PKHD1: variants seen among roughly 807,000 people sequenced by gnomAD.
The protein encoded by PKHD1 is PKHD1 ciliary IPT domain containing fibrocystin/polyductin, also known as fibrocystin.
Under a neutral mutation model 412.0 loss-of-function variants are expected in PKHD1, and 291 were observed. The ratio of observed to expected loss-of-function variants is 0.71; its 90% CI spans 0.64 to 0.78. The LOEUF (loss-of-function observed/expected upper bound fraction) is 0.78, where lower values mean the gene tolerates loss of function less well. Ranked by LOEUF, PKHD1 falls within the 30% of genes least tolerant of loss-of-function variation. PKHD1 has a pLI of 0.00. For missense variants in PKHD1, 4,825 were observed against 4,950.7 expected, an observed-to-expected ratio of 0.97 and a Z score of 0.76; for synonymous variants, 1,777 against 1,821.5, an observed-to-expected ratio of 0.98 and a Z score of 0.62.
intron 61 of PKHD1, among the ~76,000 whole-genome samples, chr6:51,656,513 G>A (rs1488835943): frequency 1.3e-5 from 2 of 152,098 alleles, no homozygotes; most frequent in African/African-American, 4.8e-5. Context: ...CATGGTGATG[G>A]AAACTTAGCT....
chr6:52,071,214 A>C (rs1360277028), intron 8 of PKHD1, 144 bp from the exon 9 acceptor site: 1 of 703,220 alleles, frequency 1.4e-6, no homozygotes, highest in East Asian at 2.6e-5. Context: ...TGAGTTCATT[A>C]GGGCAAATGC....
intron 60 of PKHD1, among the ~76,000 whole-genome samples, chr6:51,697,084 G>A (rs1457041299): frequency 6.6e-6 from 1 of 152,116 alleles, no homozygotes; most frequent in Non-Finnish European, 1.5e-5. Context: ...AGCTACTCAG[G>A]AGGCTGAGGC....
chr6:51,942,365 C>A (rs986406321), intron 36 of PKHD1, among the ~76,000 whole-genome samples: 1 of 151,740 alleles, frequency 6.6e-6, no homozygotes. Flanking sequence ...CGTGCAGCAG[C>A]CGCTGCCGCC....
chr6:52,010,595 G>A (rs1440744664), intron 34 of PKHD1, 136 bp from the exon 35 acceptor site: 11 of 724,766 alleles, frequency 1.5e-5, no homozygotes, highest in Non-Finnish European at 2.2e-5. Context: ...GCAAATTTCT[G>A]TAATTTTGTT....
At chr6:51,886,543 CACAGAAGGGCAATAGT>C (rs757470292) in intron 44 of PKHD1, among the ~76,000 whole-genome samples, 4 of 152,204 alleles carry the variant, frequency 2.6e-5, no homozygotes, top group Non-Finnish European at 4.4e-5. Context: ...GTAAGCCAGA[CACAGAAGGGCAATAGT>C]ACATCATATC....
chr6:51,740,042 A>G (rs1263690874), intron 60 of PKHD1: 2 of 518,732 alleles, frequency 3.9e-6, no homozygotes, highest in South Asian at 2.8e-5. Context: ...GAATGTTCAG[A>G]TCATCAGATG....
intron 60 of PKHD1, among the ~76,000 whole-genome samples, chr6:51,701,111 A>G (rs1385319396): frequency 6.6e-6 from 1 of 152,142 alleles, no homozygotes; most frequent in Non-Finnish European, 1.5e-5. Flanking sequence ...AGAAAAAGAG[A>G]AAAGTTTCAT....
chr6:51,698,103 T>C (rs1456235750), intron 60 of PKHD1, among the ~76,000 whole-genome samples: 2 of 152,204 alleles, frequency 1.3e-5, no homozygotes, highest in African/African-American at 2.4e-5. Context: ...TATTTGGAAA[T>C]AATTCACTCA....
intron 6 of PKHD1, 123 bp from the exon 7 acceptor site, chr6:52,073,664 T>A (rs996940967): frequency 2.6e-5 from 18 of 685,680 alleles, no homozygotes; most frequent in Non-Finnish European, 4.2e-5. Context: ...GCCCAGAAAA[T>A]TAATACTTTT....
At chr6:51,677,362 C>T (rs1776011419) in intron 60 of PKHD1, among the ~76,000 whole-genome samples, 1 of 152,040 alleles carries the variant, frequency 6.6e-6, no homozygotes, top group African/African-American at 2.4e-5. Flanking sequence ...AAGTGGCTTT[C>T]AATGCTCGGG....
chr6:51,985,586 AGGCATGGT>A (rs1796102617), intron 35 of PKHD1, among the ~76,000 whole-genome samples: 1 of 152,100 alleles, frequency 6.6e-6, no homozygotes, highest in African/African-American at 2.4e-5. Flanking sequence ...AAAATTAGCC[AGGCATGGT>A]GGCAGATGCC....
chr6:51,739,144 A>G, intron 60 of PKHD1, among the ~76,000 whole-genome samples: 1 of 148,342 alleles, frequency 6.7e-6, no homozygotes, highest in South Asian at 2.1e-4. Context: ...AAATACATAC[A>G]TACACACATA....
chr6:51,836,638 A>T (rs1032927202), intron 50 of PKHD1, among the ~76,000 whole-genome samples, 169 bp from the exon 51 acceptor site: 2 of 152,208 alleles, frequency 1.3e-5, no homozygotes, highest in African/African-American at 4.8e-5. Flanking sequence ...CCAACATTTG[A>T]TTTTGATTGC....
chr6:51,880,801 A>AAAAAAAAAAAAAAAAT, intron 46 of PKHD1, among the ~76,000 whole-genome samples: 1 of 56,672 alleles, frequency 1.8e-5, no homozygotes. Flanking sequence ...AAAAAAAAAA[A>AAAAAAAAAAAAAAAAT]AAAAAACACA....
At chr6:52,027,745 G>T in intron 31 of PKHD1, 84 bp downstream of exon 31, 1 of 1,041,412 alleles carries the variant, frequency 9.6e-7, no homozygotes, top group Non-Finnish European at 1.5e-6. Context: ...GACCTCACTG[G>T]CAAATTAATC....
At chr6:52,035,474 A>T in intron 28 of PKHD1, 117 bp downstream of exon 28, 2 of 1,035,544 alleles carry the variant, frequency 1.9e-6, no homozygotes, top group African/African-American at 1.6e-5. Flanking sequence ...CAAGCATACT[A>T]TCATAATGAG....
intron 53 of PKHD1, among the ~76,000 whole-genome samples, chr6:51,777,084 C>T (rs557145303): frequency 7.2e-5 from 11 of 152,118 alleles, no homozygotes; most frequent in African/African-American, 2.2e-4. Flanking sequence ...TAAAAACCAC[C>T]GGCTATCAAA....
intron 60 of PKHD1, among the ~76,000 whole-genome samples, chr6:51,695,610 G>C (rs1372472311): frequency 3.3e-5 from 5 of 152,086 alleles, no homozygotes; most frequent in Non-Finnish European, 7.4e-5. Flanking sequence ...GCAGTGTTGT[G>C]TTTACCTGAC....
rs748415888 is a variant in PKHD1 at position 52,024,982 on chromosome 6, G to T, written c.4828C>A (p.Gln1610Lys). ...ATGTTCACCGTCAGGCAGGTCTGCT[G>T]GTCAATATAGACTGACGTGGTGTTC... ...GQNTTSVYID[Q>K]QTCLTVNIGA... Residue 1610 changes from glutamine (Q) to lysine (K), a missense_variant, in exon 32 of 67, where the codon CAG becomes AAG. By Grantham distance (53) the Gln-to-Lys change is moderately conservative. Coordinates refer to ENST00000371117, the MANE Select transcript of PKHD1 (RefSeq NM_138694.4). 10 of 1,614,076 alleles carry T rather than the reference G, an allele frequency of 6.2e-6. No individual in the cohort carries two copies. Among genetic ancestry groups the T allele is most frequent in the Non-Finnish European group, 5.9e-6 (7 of 1,180,042 alleles).
Sources: allele counts gnomAD v4.1 joint callset (sites outside exome capture counted in the v4.1 genomes callset), GRCh38; gene constraint gnomAD v4.1.1; transcripts MANE v1.5; gene names NCBI Gene and HGNC (gene_info 2026-07-23, HGNC 2026-07-21).